Variants in ATP6V1B2 observed in about 807,000 individuals in gnomAD.
ATP6V1B2 encodes V-type proton ATPase subunit B, brain isoform.
Under a neutral mutation model 66.7 loss-of-function variants are expected in ATP6V1B2, and 23 were observed. That is an observed-to-expected ratio of 0.34 (90% CI 0.25 to 0.49). The LOEUF is 0.49. ATP6V1B2 is among the 20% of genes least tolerant of loss of function. ATP6V1B2 has a pLI of 0.99. For synonymous variants in ATP6V1B2, 278 were observed against 236.7 expected (o/e 1.17, Z -1.60); for missense variants, 478 against 650.8 (o/e 0.73, Z 2.89).
rs187364764 is a variant in ATP6V1B2, at chr8:20,208,259, T to G, written c.193-1174T>G. On this transcript the variant is annotated intron_variant, in intron 2 of 13. Coordinates refer to ENST00000276390, the MANE Select transcript of ATP6V1B2 (RefSeq NM_001693.4). ...GTAACATTTCTGTGCTAGTGTAAAT[T>G]TGGAACAACCTAGAACTCCACTGGT... Among the ~76,000 whole-genome samples the G allele has an allele frequency of 4.7e-4, 72 of 152,302 alleles. 1 individual carries two copies. Among genetic ancestry groups the G allele is most frequent in the African/African-American group, 1.7e-3 (71 of 41,560 alleles).
At position 20,216,423 on chromosome 8, in the gene ATP6V1B2, C is replaced by T. The variant is rs2072855080; in HGVS notation, c.1089C>T (p.His363=). ...GTCTTCCTCTGGTAGATATCACTCA[C>T]CCCATCCCAGACTTGACTGGCTACA... ...ILTMPNDDIT[H]PIPDLTGYIT... is the part of the protein sequence containing the mutation. Residue 363 remains histidine (H), a synonymous_variant, in exon 11 of 14, where the codon CAC becomes CAT. Transcript: ENST00000276390. The T allele has an allele frequency of 6.2e-7, 1 of 1,612,684 alleles. No homozygotes were observed. Among genetic ancestry groups the T allele is most frequent in the Non-Finnish European group, 8.5e-7 (1 of 1,178,920 alleles).
rs200066632 is a variant in ATP6V1B2, at chr8:20,200,264, C to T, written c.136+2722C>T. 1.8e-4 allele frequency among the ~76,000 whole-genome samples: 27 copies of T among 151,934 alleles called. No homozygotes were observed. In the East Asian group the frequency reaches 2.7e-3, roughly 15 times the overall value. ...AACTCCTGAGCTCAAGAGATCCGCC[C>T]GCCATGGCCTCTCAAAGTGCTGGGA... is the stretch of plus-strand genomic sequence containing the variant. On this transcript the variant is annotated intron_variant, in intron 1 of 13. Transcript: ENST00000276390.
rs150726507 is a variant in ATP6V1B2 at position 20,207,214 on chromosome 8, G to A, written c.193-2219G>A. Among the ~76,000 whole-genome samples, 211 of 152,288 alleles carry A rather than the reference G, an allele frequency of 1.4e-3. 4 individuals are homozygous for A. The East Asian group carries it at 0.029, about 21-fold the overall frequency. On this transcript the variant is annotated intron_variant, in intron 2 of 13. Coordinates refer to ENST00000276390, the MANE Select transcript of ATP6V1B2 (RefSeq NM_001693.4). ...CAATCAGGGAAGAGTAATTAAAAATGAGGATTTGGTTCAGTAATAAGCAGA... is the reference window on the plus strand; with the variant it reads ...CAATCAGGGAAGAGTAATTAAAAATAAGGATTTGGTTCAGTAATAAGCAGA...
chr8:20,202,989 A>G (rs1169698674), intron 1 of ATP6V1B2, among the ~76,000 whole-genome samples: 1 of 152,224 alleles, frequency 6.6e-6, no homozygotes, highest in Non-Finnish European at 1.5e-5. Flanking sequence ...GGAGTCTTTA[A>G]AATGAGAACA....
chr8:20,217,710 C>G, intron 12 of ATP6V1B2, among the ~76,000 whole-genome samples: 1 of 152,124 alleles, frequency 6.6e-6, no homozygotes, highest in South Asian at 2.1e-4. Context: ...TTTATGTAGG[C>G]TCTGAAATCC....
At position 20,220,301 on chromosome 8, in the gene ATP6V1B2, A is replaced by G. The variant is rs2072895040; in HGVS notation, c.1435A>G (p.Ile479Val). Residue 479 changes from isoleucine to valine, a missense_variant, in exon 14 of 14, where the codon ATT (isoleucine) becomes GTT (valine). Coordinates refer to ENST00000276390, the MANE Select transcript of ATP6V1B2 (RefSeq NM_001693.4). ...ENRTVFETLDIGWQLLRIFPK... is the reference protein window; with the variant it reads ...ENRTVFETLDVGWQLLRIFPK... ...TCGCACTGTCTTTGAGACTTTGGAC[A>G]TTGGCTGGCAGCTACTCCGAATCTT... 2 of 1,604,704 alleles carry G rather than the reference A, an allele frequency of 1.2e-6. No individual in the cohort carries two copies. The highest frequency in any genetic ancestry group is 1.8e-5 in the Admixed American group (1 of 56,566).
At position 20,211,675 on chromosome 8, in the gene ATP6V1B2, G is replaced by C. The variant is rs1344760948; in HGVS notation, c.627G>C (p.Gln209His). The change falls in exon 7 of 14, where the codon CAG (glutamine) becomes CAC (histidine). Residue 209 changes from glutamine (Q) to histidine (H), a missense_variant. By Grantham distance (24) the Gln-to-His change is conservative. Transcript: ENST00000276390. ...AGATTGCAGCTCAGATCTGTCGCCAGGCTGGTTTGGTAAAGAAATCCAAAG... is the reference window on the plus strand; with the variant it reads ...AGATTGCAGCTCAGATCTGTCGCCACGCTGGTTTGGTAAAGAAATCCAAAG... ...HNEIAAQICR[Q>H]AGLVKKSKDV... 1.2e-6 allele frequency: 2 copies of C among 1,611,618 alleles called. No homozygotes were observed. The highest frequency in any genetic ancestry group is 2.7e-5 in the African/African-American group (2 of 74,776).
Position 20,218,273 on chromosome 8 carries a change from AT to A in ATP6V1B2, c.1389del (p.Ile463MetfsTer30). The A allele has an allele frequency of 6.2e-7, 1 of 1,613,226 alleles. No homozygotes were observed. Among genetic ancestry groups the A allele is most frequent in the Non-Finnish European group, 8.5e-7 (1 of 1,179,356 alleles). ...EFLQKFERNF[I>X]AQGPYENRTV... is the part of the protein sequence containing the mutation. The stretch of plus-strand genomic sequence containing the variant: ...TCTGCAGAAGTTTGAGAGGAACTTC[AT>A]TGCTCAGGGTAAGATGACTGTTGGC... On this transcript the variant is annotated frameshift_variant, in exon 13 of 14. Coordinates refer to ENST00000276390, the MANE Select transcript of ATP6V1B2 (RefSeq NM_001693.4). LOFTEE classifies it high-confidence loss of function.
chr8:20,213,972 G>T (rs1004313361), intron 9 of ATP6V1B2: 1 of 152,156 alleles, frequency 6.6e-6, no homozygotes, highest in Non-Finnish European at 1.5e-5. Flanking sequence ...AGAATTGTTA[G>T]ATTCAACAGG....
rs561303925 is a variant in ATP6V1B2 at position 20,220,510 on chromosome 8, C to G, written c.*108C>G. On this transcript the variant is annotated 3_prime_UTR_variant, in exon 14 of 14. Transcript: ENST00000276390. ...TTGTGTTGGAGTTTACCATGTTACC[C>G]TGTAATTAAAAACAAAGAATAGGTA... is the stretch of plus-strand genomic sequence containing the variant. 1.0e-5 allele frequency: 14 copies of G among 1,390,568 alleles called. No individual in the cohort carries two copies. In the African/African-American group the frequency reaches 2.1e-4, roughly 21 times the overall value. 86.1% of individuals were successfully genotyped at this position (1,390,568 alleles called of 1,614,324 possible).
intron 9 of ATP6V1B2, chr8:20,214,203 G>A (rs1284140194): frequency 2.0e-5 from 3 of 152,160 alleles, no homozygotes; most frequent in Non-Finnish European, 4.4e-5. Flanking sequence ...CCTATAGTCT[G>A]GTATCCATGT....
intron 9 of ATP6V1B2, chr8:20,213,422 G>C (rs962784449): frequency 6.1e-6 from 1 of 163,584 alleles, no homozygotes; most frequent in African/African-American, 2.4e-5. Flanking sequence ...GCCAAGGCAG[G>C]AGGGTCACTT....
intron 12 of ATP6V1B2, 38 bp downstream of exon 12, chr8:20,217,362 GGA>G: frequency 6.5e-7 from 1 of 1,536,780 alleles, no homozygotes; most frequent in Non-Finnish European, 9.0e-7. Context: ...TTGAAAATAT[GGA>G]TACGTTTCTG....
At position 20,214,815 on chromosome 8, in the gene ATP6V1B2, C is replaced by T. The variant is rs2072835426; in HGVS notation, c.928-3C>T. 2.5e-6 allele frequency: 4 copies of T among 1,609,670 alleles called. No homozygotes were observed. The highest frequency in any genetic ancestry group is 1.3e-5 in the African/African-American group (1 of 74,838). ...GATACTCTTCTGCTTGACCTGCTGT[C>T]AGGTTTCAGCAGCCAGGGAAGAGGT... On this transcript the variant is annotated splice_region_variant and splice_polypyrimidine_tract_variant and intron_variant, in intron 9 of 13. Coordinates refer to ENST00000276390, the MANE Select transcript of ATP6V1B2 (RefSeq NM_001693.4).
intron 10 of ATP6V1B2, chr8:20,215,686 T>G (rs1467225187): frequency 6.6e-6 from 1 of 152,188 alleles, no homozygotes; most frequent in Non-Finnish European, 1.5e-5. Flanking sequence ...GTGATAGATT[T>G]AGGACCCAGT....
chr8:20,210,573 G>A lies in ATP6V1B2; in HGVS notation c.390G>A (p.Arg130=), dbSNP rs2072783649. Residue 130 remains arginine, a synonymous_variant, in exon 5 of 14, where the codon CGG becomes CGA. Transcript: ENST00000276390. ...RTPVSEDMLG[R]VFNGSGKPID... is the part of the protein sequence containing the mutation. ...TGTCTTCTTACTGATTTCTAGGTCG[G>A]GTATTCAATGGATCGGGAAAACCCA... is the stretch of plus-strand genomic sequence containing the variant. 2 of 1,613,574 alleles carry A rather than the reference G, an allele frequency of 1.2e-6. No individual in the cohort carries two copies. Among genetic ancestry groups the A allele is most frequent in the East Asian group, 2.2e-5 (1 of 44,858 alleles).
intron 10 of ATP6V1B2, chr8:20,215,841 G>A (rs2072849118): frequency 6.6e-6 from 1 of 152,288 alleles, no homozygotes; most frequent in Non-Finnish European, 1.5e-5. Context: ...CCTGTGTAGT[G>A]TTGTTTACTT....
At chr8:20,214,638 T>A (rs2072831972) in intron 9 of ATP6V1B2, 180 bp from the exon 10 acceptor site, 15 of 638,396 alleles carry the variant, frequency 2.3e-5, no homozygotes, top group Non-Finnish European at 3.4e-5. Context: ...AACATTTTTG[T>A]TACAGAATAC....
At chr8:20,203,799 C>G (rs1002544104) in intron 1 of ATP6V1B2, among the ~76,000 whole-genome samples, 1 of 152,186 alleles carries the variant, frequency 6.6e-6, no homozygotes, top group Non-Finnish European at 1.5e-5. Context: ...TGGAAAACAA[C>G]AGTCTCTAAC....
Sources: allele counts gnomAD v4.1 joint callset (sites outside exome capture counted in the v4.1 genomes callset), GRCh38; gene constraint gnomAD v4.1.1; transcripts MANE v1.5; gene names NCBI Gene and HGNC (gene_info 2026-07-23, HGNC 2026-07-21).